Variants in IL18R1 observed in about 807,000 individuals in gnomAD.
The protein encoded by IL18R1 is interleukin 18 receptor 1, also known as interleukin-18 receptor 1.
In IL18R1, 40 loss-of-function variants were observed where a neutral mutation model predicts 48.5. The observed-to-expected ratio is 0.82, with a 90% confidence interval of 0.64 to 1.07. The LOEUF (loss-of-function observed/expected upper bound fraction) is 1.07, where lower values mean the gene tolerates loss of function less well. Among genes scored for constraint, IL18R1 ranks in the 50% least tolerant of loss-of-function variants. IL18R1 has a pLI of 0.00. For synonymous variants in IL18R1, 232 were observed against 225.9 expected (o/e 1.03, Z -0.24); for missense variants, 596 against 633.7 (o/e 0.94, Z 0.64).
At position 102,385,003 on chromosome 2, in the gene IL18R1, G is replaced by A; in HGVS notation, c.809+5G>A. The A allele has an allele frequency of 1.4e-6, 2 of 1,469,878 alleles. No individual in the cohort carries two copies. The highest frequency in any genetic ancestry group is 1.9e-6 in the Non-Finnish European group (2 of 1,051,104). 91.1% of individuals were successfully genotyped at this position (1,469,878 alleles called of 1,614,324 possible). A position where few individuals can be genotyped will look rare whatever the true frequency, so the allele number is the denominator to read the frequency against. On this transcript the variant is annotated splice_donor_5th_base_variant and intron_variant, in intron 7 of 10. Coordinates refer to ENST00000233957, the MANE Select transcript of IL18R1 (RefSeq NM_003855.5). ...AGAGAAAGAAATGAGAATTATGTAT[G>A]TATGTGTAATATATATGTCATGATA...
At chr2:102,387,260 C>G (rs1053075993) in intron 8 of IL18R1, among the ~76,000 whole-genome samples, 3 of 152,158 alleles carry the variant, frequency 2.0e-5, no homozygotes, top group African/African-American at 7.2e-5. Flanking sequence ...CTTGGAGATA[C>G]AGATGCTGAG....
chr2:102,376,157 CT>C, intron 5 of IL18R1, 94 bp downstream of exon 5: 1 of 1,072,062 alleles, frequency 9.3e-7, no homozygotes, highest in South Asian at 2.0e-5. Context: ...TGAGAGTCCA[CT>C]TAGTTGGGGT....
chr2:102,379,562 C>T (rs6729638), intron 5 of IL18R1, among the ~76,000 whole-genome samples: 117,768 of 152,038 alleles, frequency 0.77, 46,617 homozygotes, highest in African/African-American at 0.89. Flanking sequence ...AGAAATGTGA[C>T]TGGACAAAAG....
chr2:102,380,714 A>T (rs3771162), intron 5 of IL18R1, among the ~76,000 whole-genome samples: 36,145 of 152,014 alleles, frequency 0.24, 4,753 homozygotes, highest in East Asian at 0.41. Context: ...GAGCTGCAGG[A>T]GCACTCCTGA....
chr2:102,375,335 G>A (rs1021213756), intron 4 of IL18R1, among the ~76,000 whole-genome samples: 4 of 152,186 alleles, frequency 2.6e-5, no homozygotes, highest in African/African-American at 7.2e-5. Context: ...GAGAGAGAGA[G>A]AGATGTTTGA....
chr2:102,371,884 A>C (rs1679283824), intron 3 of IL18R1, 69 bp from the exon 4 acceptor site: 1 of 834,280 alleles, frequency 1.2e-6, no homozygotes, highest in South Asian at 1.9e-5. Flanking sequence ...TGGTTACTAA[A>C]GGGAAGATGG....
At chr2:102,362,586 C>A in intron 1 of IL18R1, 47 bp from the exon 2 acceptor site, 1 of 1,335,214 alleles carries the variant, frequency 7.5e-7, no homozygotes, top group Non-Finnish European at 1.0e-6. Flanking sequence ...GATAGGCACA[C>A]TTTTGTTTGA....
intron 8 of IL18R1, among the ~76,000 whole-genome samples, chr2:102,388,070 C>T (rs1189301138): frequency 2.6e-5 from 4 of 152,160 alleles, no homozygotes; most frequent in Non-Finnish European, 4.4e-5. Flanking sequence ...CACAAACATG[C>T]AGAGACAGCC....
At chr2:102,371,397 G>A (rs1003320150) in intron 3 of IL18R1, among the ~76,000 whole-genome samples, 2 of 152,058 alleles carry the variant, frequency 1.3e-5, no homozygotes, top group African/African-American at 2.4e-5. Context: ...ACTCACTTTT[G>A]GTCAGTAAGG....
At chr2:102,361,970 G>A (rs1451656814) in intron 1 of IL18R1, among the ~76,000 whole-genome samples, 1 of 152,156 alleles carries the variant, frequency 6.6e-6, no homozygotes, top group Non-Finnish European at 1.5e-5. Flanking sequence ...TTTCCCTAAA[G>A]TAAACTCATA....
At chr2:102,379,236 G>T (rs1243827661) in intron 5 of IL18R1, among the ~76,000 whole-genome samples, 2 of 152,140 alleles carry the variant, frequency 1.3e-5, no homozygotes, top group Non-Finnish European at 2.9e-5. Context: ...CTGAGGCCAG[G>T]AGTTCGGGAC....
At position 102,384,927 on chromosome 2, in the gene IL18R1, A is replaced by C. The variant is rs1342399193; in HGVS notation, c.738A>C (p.Val246=). 1 of 1,611,134 alleles carries C rather than the reference A, an allele frequency of 6.2e-7. No homozygotes were observed. The highest frequency in any genetic ancestry group is 8.5e-7 in the Non-Finnish European group (1 of 1,177,536). The change falls in exon 7 of 11, where the codon GTA becomes GTC. Residue 246 remains valine, a synonymous_variant. Coordinates refer to ENST00000233957, the MANE Select transcript of IL18R1 (RefSeq NM_003855.5). ...NCSALLNEED[V]IYWMFGEENG... is the part of the protein sequence containing the mutation. ...CTGCTTTGCTGAATGAAGAGGATGT[A>C]ATTTATTGGATGTTCGGGGAAGAAA... is the stretch of plus-strand genomic sequence containing the variant.
intron 7 of IL18R1, among the ~76,000 whole-genome samples, chr2:102,386,504 G>T (rs1318167511): frequency 6.6e-6 from 1 of 152,180 alleles, no homozygotes; most frequent in African/African-American, 2.4e-5. Context: ...CATAATTAGT[G>T]GGAACCACTC....
At chr2:102,384,770 G>A in intron 6 of IL18R1, 108 bp from the exon 7 acceptor site, 4 of 1,183,612 alleles carry the variant, frequency 3.4e-6, no homozygotes, top group Non-Finnish European at 1.2e-6. Context: ...TTTCTGGGAT[G>A]GAGCACCACG....
intron 4 of IL18R1, among the ~76,000 whole-genome samples, chr2:102,374,426 C>G (rs1275300002): frequency 6.6e-6 from 1 of 152,086 alleles, no homozygotes; most frequent in South Asian, 2.1e-4. Flanking sequence ...TTCTATTTCC[C>G]ATCAATGTAC....
intron 8 of IL18R1, among the ~76,000 whole-genome samples, chr2:102,387,880 G>A (rs2105113818): frequency 6.6e-6 from 1 of 152,130 alleles, no homozygotes; most frequent in East Asian, 1.9e-4. Context: ...GAAAGAGAAA[G>A]AGAAAGAGAG....
chr2:102,371,043 C>CT (rs386390779), intron 3 of IL18R1, among the ~76,000 whole-genome samples: 144,910 of 151,488 alleles, frequency 0.96, 69,358 homozygotes, highest in East Asian at 1. Flanking sequence ...TCCAGATCAC[C>CT]TTTTTTTGTT....
intron 5 of IL18R1, 133 bp downstream of exon 5, chr2:102,376,196 A>G: frequency 1.7e-6 from 1 of 585,552 alleles, no homozygotes; most frequent in Admixed American, 4.0e-5. Context: ...TTCAAATATG[A>G]TGGTCAAAAT....
intron 3 of IL18R1, among the ~76,000 whole-genome samples, chr2:102,370,023 C>T: frequency 6.6e-6 from 1 of 152,186 alleles, no homozygotes; most frequent in East Asian, 1.9e-4. Context: ...GGTGAGCAGC[C>T]TCAGAAGTGG....
Sources: gnomAD v4.1 joint callset for allele counts (sites outside exome capture counted in the v4.1 genomes callset) on GRCh38, gnomAD v4.1.1 for gene constraint, MANE v1.5 for transcripts, NCBI Gene and HGNC (gene_info 2026-07-23, HGNC 2026-07-21) for gene names.